Variants in CEP63 observed in about 807,000 individuals in gnomAD.
The protein encoded by CEP63 is centrosomal protein of 63 kDa.
A neutral mutation model predicts 89.1 loss-of-function variants in CEP63; 84 were observed. The observed-to-expected ratio is 0.94, with a 90% CI of 0.79 to 1.13. The LOEUF is 1.13. Ranked by LOEUF, CEP63 falls within the 50% of genes most tolerant of loss-of-function variation. The pLI is 0.00. For synonymous variants in CEP63, 267 were observed against 272.5 expected (o/e 0.98, Z 0.20); for missense variants, 838 against 813.3 (o/e 1.03, Z -0.37).
the CEP63 span, among the ~76,000 whole-genome samples, chr3:134,756,123 C>T: frequency 6.6e-6 from 1 of 152,180 alleles, no homozygotes; most frequent in South Asian, 2.1e-4. Context: ...CATGTGGCAC[C>T]CCAGGAACAC....
chr3:134,735,819 C>G, the CEP63 span, among the ~76,000 whole-genome samples: 1 of 152,048 alleles, frequency 6.6e-6, no homozygotes, highest in East Asian at 1.9e-4. Context: ...AAACTAAGCT[C>G]AGGTGATTTT....
intron 14 of CEP63, among the ~76,000 whole-genome samples, chr3:134,560,523 A>T (rs551248159): frequency 1.3e-5 from 2 of 152,252 alleles, no homozygotes; most frequent in African/African-American, 4.8e-5. Context: ...TAGGGTGGAG[A>T]TGGACGGGAC....
chr3:134,704,304 T>C, the CEP63 span, among the ~76,000 whole-genome samples: 1 of 152,202 alleles, frequency 6.6e-6, no homozygotes, highest in East Asian at 1.9e-4. Flanking sequence ...TGACTTCTCT[T>C]TCCAGTCTGT....
At chr3:134,680,068 C>A in the CEP63 span, among the ~76,000 whole-genome samples, 1 of 152,162 alleles carries the variant, frequency 6.6e-6, no homozygotes, top group African/African-American at 2.4e-5. Flanking sequence ...CACAGACACA[C>A]ACACACACAG....
chr3:134,632,474 A>T, the CEP63 span, among the ~76,000 whole-genome samples: 1 of 152,184 alleles, frequency 6.6e-6, no homozygotes, highest in African/African-American at 2.4e-5. Context: ...AAAATGTCCA[A>T]GTATTAAAAA....
At chr3:134,548,445 C>G (rs1043895980) in intron 9 of CEP63, among the ~76,000 whole-genome samples, 8 of 152,102 alleles carry the variant, frequency 5.3e-5, no homozygotes, top group African/African-American at 1.9e-4. Flanking sequence ...CATTGTCGTA[C>G]TTATAGAATT....
At chr3:134,779,899 T>G in the CEP63 span, 2 of 152,262 alleles carry the variant, frequency 1.3e-5, no homozygotes, top group African/African-American at 4.8e-5. Flanking sequence ...TCTTTACCTT[T>G]AAGCCATTTA....
intron 3 of CEP63, chr3:134,511,251 G>T: frequency 6.0e-6 from 1 of 166,922 alleles, no homozygotes; most frequent in Non-Finnish European, 1.3e-5. Context: ...AGAGCACTTT[G>T]TCACCTTTTC....
chr3:134,701,277 C>T, the CEP63 span, among the ~76,000 whole-genome samples: 5 of 38,686 alleles, frequency 1.3e-4, no homozygotes, highest in African/African-American at 9.2e-5. Context: ...CATATACACA[C>T]ATATATACGT....
chr3:134,571,221 C>T (rs1043611416), intron 11 of CEP63, among the ~76,000 whole-genome samples: 2 of 152,232 alleles, frequency 1.3e-5, no homozygotes, highest in African/African-American at 2.4e-5. Flanking sequence ...GCCCTCTCTC[C>T]CTCCCACTGG....
chr3:134,657,977 A>G, the CEP63 span, among the ~76,000 whole-genome samples: 1 of 152,052 alleles, frequency 6.6e-6, no homozygotes, highest in Non-Finnish European at 1.5e-5. Flanking sequence ...GCTCACTGCA[A>G]CCTCTGCCTC....
intron 1 of CEP63, among the ~76,000 whole-genome samples, chr3:134,493,030 AT>A (rs1375268786): frequency 7.1e-4 from 108 of 152,262 alleles, no homozygotes; most frequent in Middle Eastern, 3.4e-3. Flanking sequence ...GTCATAGAAA[AT>A]ATATTAATGT....
chr3:134,715,489 C>T, the CEP63 span, among the ~76,000 whole-genome samples: 12 of 150,552 alleles, frequency 8.0e-5, no homozygotes, highest in East Asian at 1.6e-3. Context: ...GGTGTTGATG[C>T]CAGAAGGGTT....
At chr3:134,760,259 C>T in the CEP63 span, among the ~76,000 whole-genome samples, 1 of 151,936 alleles carries the variant, frequency 6.6e-6, no homozygotes, top group Admixed American at 6.5e-5. Flanking sequence ...CGGGGTTTCA[C>T]TGTGTTAGCC....
downstream of CEP63, among the ~76,000 whole-genome samples, chr3:134,565,430 G>C (rs1052797997): frequency 1.3e-5 from 2 of 152,072 alleles, no homozygotes; most frequent in Admixed American, 6.5e-5. Flanking sequence ...CAAAACACTC[G>C]AGTCCAGTAC....
rs1377149298 is a variant in CEP63, at chr3:134,558,213, T to A, written c.1539T>A (p.Asn513Lys). 1 of 1,613,652 alleles carries A rather than the reference T, an allele frequency of 6.2e-7. No homozygotes were observed. The change falls in exon 13 of 15, where the codon AAT becomes AAA. Residue 513 changes from asparagine (N) to lysine (K), a missense_variant. Coordinates refer to ENST00000675561, the MANE Select transcript of CEP63 (RefSeq NM_001353108.3). ...IEALNKLVSENQQLQKDLMNT... is the reference protein window; with the variant it reads ...IEALNKLVSEKQQLQKDLMNT... ...CATTAAATAAATTAGTGTCTGAAAA[T>A]CAACAACTACAGAAAGATTTGATGA...
At chr3:134,534,994 C>G (rs956635985) in intron 5 of CEP63, among the ~76,000 whole-genome samples, 2 of 152,288 alleles carry the variant, frequency 1.3e-5, no homozygotes, top group Non-Finnish European at 2.9e-5. Context: ...TGCCCTCCCC[C>G]TTTTCTACCC....
intron 2 of CEP63, among the ~76,000 whole-genome samples, chr3:134,497,584 G>A (rs1275799514): frequency 6.6e-6 from 1 of 152,066 alleles, no homozygotes; most frequent in Non-Finnish European, 1.5e-5. Context: ...TGCTCAAGCA[G>A]TTCTTGAACT....
intron 4 of CEP63, among the ~76,000 whole-genome samples, chr3:134,532,145 A>G (rs1303180266): frequency 1.3e-5 from 2 of 152,358 alleles, no homozygotes; most frequent in East Asian, 3.9e-4. Flanking sequence ...CCTAGAAGAG[A>G]TGCTAAAATA....
Sources: allele counts gnomAD v4.1 joint callset (sites outside exome capture counted in the v4.1 genomes callset), GRCh38; gene constraint gnomAD v4.1.1; transcripts MANE v1.5; gene names NCBI Gene and HGNC (gene_info 2026-07-23, HGNC 2026-07-21).